RRP1B: variants seen among roughly 807,000 people sequenced by gnomAD.
The protein encoded by RRP1B is ribosomal RNA processing protein 1 homolog B.
Under a neutral mutation model 80.2 loss-of-function variants are expected in RRP1B, and 56 were observed. The ratio of observed to expected loss-of-function variants is 0.70; its 90% CI spans 0.56 to 0.87. The LOEUF (loss-of-function observed/expected upper bound fraction) is 0.87, where lower values mean the gene tolerates loss of function less well. RRP1B is among the 40% of genes least tolerant of loss of function. The pLI, the probability that RRP1B is intolerant of heterozygous loss-of-function variation, is 0.00. For missense variants in RRP1B, 807 were observed against 939.8 expected (o/e 0.86, Z 1.85); for synonymous variants, 351 against 357.6 (o/e 0.98, Z 0.21).
rs535508160 is a variant in RRP1B at position 43,672,213 on chromosome 21, C to T, written c.214-95C>T. 2.4e-4 allele frequency: 248 copies of T among 1,018,370 alleles called. 1 individual carries two copies. Among genetic ancestry groups the T allele is most frequent in the Non-Finnish European group, 3.7e-4 (236 of 646,466 alleles). 63.1% of individuals were successfully genotyped at this position (1,018,370 alleles called of 1,614,324 possible). On this transcript the variant is annotated intron_variant, in intron 2 of 15. Transcript: ENST00000340648. ...GTGACAAGAGGGGCAGACCTTCCCA[C>T]GAGCGGAAGTGGGAGAAGGAAGCAG...
chr21:43,659,576 C>G lies in RRP1B; in HGVS notation c.-89C>G. Reference sequence around the variant, plus strand: ...CGCCGCCTTCTGTGCAGTCGCGGCCCGGGCGGACGGTGGCTGGCTGCTCCG... The same window carrying G: ...CGCCGCCTTCTGTGCAGTCGCGGCCGGGGCGGACGGTGGCTGGCTGCTCCG... On this transcript the variant is annotated 5_prime_UTR_variant, in exon 1 of 16. Transcript: ENST00000340648. This position sits in a 1 kb window ranked among gnomAD's most constrained non-coding sequence, Gnocchi z 4.2. 3 of 1,247,922 alleles carry G rather than the reference C, an allele frequency of 2.4e-6. No homozygotes were observed. The highest frequency in any genetic ancestry group is 2.0e-6 in the Non-Finnish European group (2 of 995,614). The allele number at this position is 1,247,922 out of a possible 1,614,324, so 77.3% of individuals were successfully genotyped here.
chr21:43,684,535 G>C lies in RRP1B; in HGVS notation c.892-18G>C, dbSNP rs1399904151. 6.2e-7 allele frequency: 1 copy of C among 1,611,292 alleles called. No homozygotes were observed. Among genetic ancestry groups the C allele is most frequent in the East Asian group, 2.2e-5 (1 of 44,864 alleles). On this transcript the variant is annotated intron_variant, in intron 9 of 15. Transcript: ENST00000340648. ...TTGTTTGGCTGCAGACTTATGTTTA[G>C]TTTCTCTTCCTGCCTAGTTTGACTA...
chr21:43,683,493 C>T (rs987905113), intron 9 of RRP1B, 120 bp downstream of exon 9: 1 of 655,974 alleles, frequency 1.5e-6, no homozygotes, highest in African/African-American at 1.8e-5. Flanking sequence ...TTTTTAATCC[C>T]TTCAGTCACT....
intron 1 of RRP1B, among the ~76,000 whole-genome samples, chr21:43,662,983 T>A (rs1458998622): frequency 1.3e-5 from 2 of 152,240 alleles, no homozygotes; most frequent in Non-Finnish European, 2.9e-5. Flanking sequence ...AAAATAACAG[T>A]ACATCTTATG....
At position 43,690,452 on chromosome 21, in the gene RRP1B, C is replaced by T. The variant is rs1457680764; in HGVS notation, c.2019+12C>T. 1 of 1,613,106 alleles carries T rather than the reference C, an allele frequency of 6.2e-7. No individual in the cohort carries two copies. Among genetic ancestry groups the T allele is most frequent in the Non-Finnish European group, 8.5e-7 (1 of 1,179,562 alleles). On this transcript the variant is annotated intron_variant, in intron 14 of 15. Transcript: ENST00000340648. ...GCCCTGCCGTCCAGGTACGCACCCT[C>T]CCCAGAGTGGCACAGCACATTTCAC...
rs757059637 is a variant in RRP1B at position 43,684,646 on chromosome 21, A to T, written c.985A>T (p.Lys329Ter). The T allele has an allele frequency of 6.2e-7, 1 of 1,613,528 alleles. No individual in the cohort carries two copies. The highest frequency in any genetic ancestry group is 8.5e-7 in the Non-Finnish European group (1 of 1,179,446). Residue 329 changes from lysine to a stop codon, truncating the protein, a stop_gained, in exon 10 of 16, where the codon AAG (lysine) becomes TAG (stop). Coordinates refer to ENST00000340648, the MANE Select transcript of RRP1B (RefSeq NM_015056.3). LOFTEE classifies it high-confidence loss of function. ...CAGGAAGCGCCTCTCCAAACTCATC[A>T]AGAAGTCAGTAACTGGGGAGAGGGT... ...FNRKRLSKLI[K>*]KFQDLSEGSS...
chr21:43,688,076 A>C lies in RRP1B; in HGVS notation c.1702A>C (p.Arg568=). 1 of 1,611,762 alleles carries C rather than the reference A, an allele frequency of 6.2e-7. No individual in the cohort carries two copies. Among genetic ancestry groups the C allele is most frequent in the Non-Finnish European group, 8.5e-7 (1 of 1,179,334 alleles). The change falls in exon 13 of 16, where the codon AGG becomes CGG. Residue 568 remains arginine, a synonymous_variant. Coordinates refer to ENST00000340648, the MANE Select transcript of RRP1B (RefSeq NM_015056.3). ...ANSHTTLPQR[R]RLQKKKAGPG... ...CAGCCACACCACGCTGCCCCAGCGC[A>C]GGAGGCTGCAGAAAAAGAAGGCAGG...
At chr21:43,676,224 A>G in intron 6 of RRP1B, 48 bp from the exon 7 acceptor site, 1 of 1,382,854 alleles carries the variant, frequency 7.2e-7, no homozygotes, top group Non-Finnish European at 1.0e-6. Flanking sequence ...AGGACATGTC[A>G]AGAAGGGAAA....
chr21:43,676,799 G>T lies in RRP1B; in HGVS notation c.681G>T (p.Val227=). ...FEAIVDQSPF[V]PEETMEEQKT... ...CTATCGTAGATCAGTCTCCTTTTGT[G>T]CCTGAAGAGACGATGGAGGAACAGA... Residue 227 remains valine, a synonymous_variant, in exon 8 of 16, where the codon GTG becomes GTT. Coordinates refer to ENST00000340648, the MANE Select transcript of RRP1B (RefSeq NM_015056.3). 6.2e-7 allele frequency: 1 copy of T among 1,614,246 alleles called. No homozygotes were observed. The highest frequency in any genetic ancestry group is 1.3e-5 in the African/African-American group (1 of 75,074).
chr21:43,681,257 TAAAC>T (rs1275314579), intron 8 of RRP1B, among the ~76,000 whole-genome samples: 7 of 137,412 alleles, frequency 5.1e-5, no homozygotes, highest in East Asian at 4.2e-4. Flanking sequence ...AATAAATAAA[TAAAC>T]AGATAGATAG....
At chr21:43,682,665 CT>C (rs1393556741) in intron 8 of RRP1B, among the ~76,000 whole-genome samples, 1 of 152,244 alleles carries the variant, frequency 6.6e-6, no homozygotes, top group African/African-American at 2.4e-5. Context: ...TGGACAGGAG[CT>C]TCCCATGCAC....
At chr21:43,685,536 T>C (rs1271485110) in intron 10 of RRP1B, among the ~76,000 whole-genome samples, 1 of 152,240 alleles carries the variant, frequency 6.6e-6, no homozygotes, top group Non-Finnish European at 1.5e-5. Context: ...CTGGTATTGA[T>C]GGTAACCGAG....
chr21:43,683,204 A>G lies in RRP1B; in HGVS notation c.797-75A>G, dbSNP rs911267004. 3.3e-6 allele frequency: 4 copies of G among 1,211,692 alleles called. No homozygotes were observed. The African/African-American group carries it at 6.1e-5, about 18-fold the overall frequency. The allele number at this position is 1,211,692 out of a possible 1,614,324, so 75.1% of individuals were successfully genotyped here. A position where few individuals can be genotyped will look rare whatever the true frequency, so the allele number is the denominator to read the frequency against. On this transcript the variant is annotated intron_variant, in intron 8 of 15. Coordinates refer to ENST00000340648, the MANE Select transcript of RRP1B (RefSeq NM_015056.3). ...TTTGCTAAGAGACACCTAATTAGAC[A>G]GTGGCTCCTGTGGAAGTAGTCACTT... is the stretch of plus-strand genomic sequence containing the variant.
At chr21:43,663,446 G>A (rs1025104518) in intron 1 of RRP1B, among the ~76,000 whole-genome samples, 1 of 152,056 alleles carries the variant, frequency 6.6e-6, no homozygotes, top group Non-Finnish European at 1.5e-5. Context: ...TAGTAGAGAC[G>A]GTGTTTCACC....
chr21:43,691,390 C>G lies in RRP1B; in HGVS notation c.2020-49C>G. Reference sequence around the variant, plus strand: ...TCCAGAAAAATCTGACTAAGCGCCTCCACTGCACTTGCGTCACTCCTTTTG... The same window carrying G: ...TCCAGAAAAATCTGACTAAGCGCCTGCACTGCACTTGCGTCACTCCTTTTG... On this transcript the variant is annotated intron_variant, in intron 14 of 15. Transcript: ENST00000340648. The surrounding 1 kb of genome is among the most constrained non-coding windows in gnomAD (Gnocchi z 4.2). The G allele has an allele frequency of 1.3e-6, 2 of 1,575,848 alleles. No homozygotes were observed. Among genetic ancestry groups the G allele is most frequent in the Non-Finnish European group, 1.7e-6 (2 of 1,146,300 alleles).
chr21:43,683,799 G>A (rs1375133022), intron 9 of RRP1B, among the ~76,000 whole-genome samples: 1 of 151,864 alleles, frequency 6.6e-6, no homozygotes, highest in Non-Finnish European at 1.5e-5. Flanking sequence ...GGCCAACACA[G>A]TGAAACCCGT....
intron 1 of RRP1B, among the ~76,000 whole-genome samples, chr21:43,665,306 C>T (rs2082974232): frequency 6.6e-6 from 1 of 152,208 alleles, no homozygotes; most frequent in Admixed American, 6.5e-5. Context: ...TTCTGCACTA[C>T]CTGTAACTGT....
Position 43,659,741 on chromosome 21 carries a change from G to A in RRP1B, c.77G>A (p.Arg26Gln), listed in dbSNP as rs1199473106. Residue 26 changes from arginine to glutamine, a missense_variant, in exon 1 of 16, where the codon CGA (arginine) becomes CAA (glutamine). By Grantham distance (43) the Arg-to-Gln change is conservative (BLOSUM62 1). Coordinates refer to ENST00000340648, the MANE Select transcript of RRP1B (RefSeq NM_015056.3). The surrounding 1 kb of genome is among the most constrained non-coding windows in gnomAD (Gnocchi z 4.2). Reference sequence around the variant, plus strand: ...TCCAGCGAGAAGGGCATCCGGGACCGAGCGGTGAAGAAGCTGCGCCAGTAC... The same window carrying A: ...TCCAGCGAGAAGGGCATCCGGGACCAAGCGGTGAAGAAGCTGCGCCAGTAC... ...LASSEKGIRD[R>Q]AVKKLRQYIS... 1.3e-6 allele frequency: 2 copies of A among 1,530,718 alleles called. No homozygotes were observed. The highest frequency in any genetic ancestry group is 1.8e-6 in the Non-Finnish European group (2 of 1,137,382). The allele number at this position is 1,530,718 out of a possible 1,614,324, so 94.8% of individuals were successfully genotyped here.
chr21:43,687,044 C>G (rs2083065915), intron 12 of RRP1B, 109 bp downstream of exon 12: 1 of 1,230,696 alleles, frequency 8.1e-7, no homozygotes, highest in African/African-American at 1.5e-5. Context: ...ATTAGCAGAG[C>G]CCAAAGCTTC....
Sources: gnomAD v4.1 joint callset for allele counts (sites outside exome capture counted in the v4.1 genomes callset) on GRCh38, gnomAD v4.1.1 for gene constraint, Gnocchi (gnomAD v3.1) non-coding constraint, MANE v1.5 for transcripts, NCBI Gene and HGNC (gene_info 2026-07-23, HGNC 2026-07-21) for gene names.